Variants in PPP1R7 observed in about 807,000 individuals in gnomAD.
PPP1R7 encodes the protein protein phosphatase 1 regulatory subunit 22.
Under a neutral mutation model 45.2 loss-of-function variants are expected in PPP1R7, and 18 were observed. The ratio of observed to expected loss-of-function variants is 0.40; its 90% CI spans 0.28 to 0.59. The LOEUF is 0.59. Among genes scored for constraint, PPP1R7 ranks in the 20% least tolerant of loss-of-function variants. The probability of loss-of-function intolerance (pLI) is 0.46; values close to 1 mark genes in which losing one functional copy is unlikely to be tolerated. For synonymous variants in PPP1R7, 181 were observed against 183.4 expected (o/e 0.99, Z 0.11); for missense variants, 314 against 455.8 (o/e 0.69, Z 2.83).
rs746362254 is a variant in PPP1R7 at position 241,153,589 on chromosome 2, G to T, written c.166G>T (p.Glu56Ter). 3 of 1,614,072 alleles carry T rather than the reference G, an allele frequency of 1.9e-6. No individual in the cohort carries two copies. Among genetic ancestry groups the T allele is most frequent in the Non-Finnish European group, 2.5e-6 (3 of 1,180,034 alleles). ...QSLKDGEERGEEDPEEEHELP... is the reference protein window; with the variant it reads ...QSLKDGEERG ...CCTGAAGGATGGGGAGGAGCGGGGG[G>T]AGGAGGACCCAGAAGGTACCAGGCC... The change falls in exon 2 of 10, where the codon GAG becomes TAG. Residue 56 changes from glutamate to a stop codon, truncating the protein, a stop_gained. Coordinates refer to ENST00000234038, the MANE Select transcript of PPP1R7 (RefSeq NM_002712.3). LOFTEE classifies it high-confidence loss of function.
rs1307670105 is a variant in PPP1R7 at position 241,183,353 on chromosome 2, C to T, written c.*530C>T. The T allele has an allele frequency of 2.2e-6, 1 of 463,870 alleles. No individual in the cohort carries two copies. The highest frequency in any genetic ancestry group is 7.0e-5 in the East Asian group (1 of 14,338). 28.7% of individuals were successfully genotyped at this position (463,870 alleles called of 1,614,324 possible). Reference sequence around the variant, plus strand: ...TAAAAAAGCTGGGTAAAAGCTGACTCAGCCCTGTGTGCTTGTGTTCCTTAG... The same window carrying T: ...TAAAAAAGCTGGGTAAAAGCTGACTTAGCCCTGTGTGCTTGTGTTCCTTAG... On this transcript the variant is annotated 3_prime_UTR_variant, in exon 10 of 10. Transcript: ENST00000234038.
intron 1 of PPP1R7, among the ~76,000 whole-genome samples, chr2:241,152,971 T>C (rs928581482): frequency 2.6e-5 from 4 of 152,250 alleles, no homozygotes; most frequent in Non-Finnish European, 5.9e-5. Context: ...TTTTCCTTAG[T>C]GATCCTCCCT....
chr2:241,166,543 G>T, intron 8 of PPP1R7, 102 bp downstream of exon 8: 1 of 946,492 alleles, frequency 1.1e-6, no homozygotes, highest in South Asian at 1.4e-5. Context: ...CCGGTGTCAG[G>T]AAGATGCCCT....
Position 241,160,208 on chromosome 2 carries a change from C to T in PPP1R7, c.435-124C>T, listed in dbSNP as rs1288746994. 5 of 674,582 alleles carry T rather than the reference C, an allele frequency of 7.4e-6. No individual in the cohort carries two copies. In the Admixed American group the frequency reaches 1.7e-4, roughly 23 times the overall value. The allele number at this position is 674,582 out of a possible 1,614,324, so 41.8% of individuals were successfully genotyped here. On this transcript the variant is annotated intron_variant, in intron 5 of 9. Coordinates refer to ENST00000234038, the MANE Select transcript of PPP1R7 (RefSeq NM_002712.3). ...CAGGGGCACAGTCAGAACCCCCCAC[C>T]CTCTCCCACCCGGTAGTGACTGCCG... is the stretch of plus-strand genomic sequence containing the variant.
At chr2:241,166,729 G>T (rs1175688156) in intron 8 of PPP1R7, among the ~76,000 whole-genome samples, 1 of 152,148 alleles carries the variant, frequency 6.6e-6, no homozygotes, top group Non-Finnish European at 1.5e-5. Flanking sequence ...TCCTCAATGG[G>T]GCAGCATCCA....
In PPP1R7 at chr2:241,182,950, A is replaced by G. The variant is rs1484807921; in HGVS notation, c.*127A>G. 3.5e-6 allele frequency: 4 copies of G among 1,130,150 alleles called. No homozygotes were observed. Among genetic ancestry groups the G allele is most frequent in the Middle Eastern group, 2.5e-4 (1 of 3,952 alleles). 70.0% of individuals were successfully genotyped at this position (1,130,150 alleles called of 1,614,324 possible). On this transcript the variant is annotated 3_prime_UTR_variant, in exon 10 of 10. Coordinates refer to ENST00000234038, the MANE Select transcript of PPP1R7 (RefSeq NM_002712.3). Reference sequence around the variant, plus strand: ...TCACAAACCCAATGGCAATAAAGGCACTGACGATAGCTGGCGCGCGCGACG... The same window carrying G: ...TCACAAACCCAATGGCAATAAAGGCGCTGACGATAGCTGGCGCGCGCGACG...
chr2:241,168,384 T>A (rs1008292600), intron 8 of PPP1R7, among the ~76,000 whole-genome samples: 1 of 152,166 alleles, frequency 6.6e-6, no homozygotes, highest in African/African-American at 2.4e-5. Flanking sequence ...TGCCAGTTTC[T>A]GGGCTTGCAT....
At chr2:241,158,863 C>G in intron 4 of PPP1R7, 1 of 430,042 alleles carries the variant, frequency 2.3e-6, no homozygotes, top group East Asian at 3.8e-5. Context: ...CCGTGCCTCT[C>G]ATTGGAATTT....
upstream of PPP1R7, chr2:241,149,989 A>T: frequency 7.1e-7 from 1 of 1,412,484 alleles, no homozygotes; most frequent in African/African-American, 1.5e-5. Context: ...CGCCGGGAGA[A>T]TGTTGTTGCT....
chr2:241,157,922 C>T, intron 3 of PPP1R7, 60 bp downstream of exon 3: 2 of 1,526,890 alleles, frequency 1.3e-6, no homozygotes, highest in South Asian at 1.1e-5. Flanking sequence ...GTCAGGTTAT[C>T]TTGTATGAGA....
At chr2:241,149,798 G>T (rs2067198998), upstream of PPP1R7, 18 of 1,533,960 alleles carry the variant, frequency 1.2e-5, no homozygotes, top group South Asian at 2.0e-4. Context: ...GGCTCCGCAG[G>T]GTAGACGAAG....
intron 1 of PPP1R7, among the ~76,000 whole-genome samples, chr2:241,150,750 G>A (rs1222308729): frequency 6.6e-6 from 1 of 152,184 alleles, no homozygotes; most frequent in Non-Finnish European, 1.5e-5. Context: ...GGCAGCGGCC[G>A]GGAAGGACCC....
intron 9 of PPP1R7, among the ~76,000 whole-genome samples, chr2:241,179,124 C>T (rs2067958056): frequency 6.6e-6 from 1 of 152,126 alleles, no homozygotes. Context: ...CCAAAAGAGT[C>T]TGCCAGGAAA....
At chr2:241,165,047 C>CA (rs923074826) in intron 7 of PPP1R7, among the ~76,000 whole-genome samples, 27 of 149,956 alleles carry the variant, frequency 1.8e-4, no homozygotes, top group Non-Finnish European at 1.3e-4. Flanking sequence ...GAGTCCATCT[C>CA]AAAAAAAAGA....
rs1438007568 is a variant in PPP1R7, at chr2:241,167,522, G to A, written c.819+1081G>A. Among the ~76,000 whole-genome samples the A allele has an allele frequency of 3.9e-5, 6 of 152,358 alleles. No individual in the cohort carries two copies. The East Asian group carries it at 1.2e-3, about 29-fold the overall frequency. On this transcript the variant is annotated intron_variant, in intron 8 of 9. Transcript: ENST00000234038. The stretch of plus-strand genomic sequence containing the variant: ...GGCTGGGGTTGGGGCCGGGTGGGGT[G>A]CGCAGCAGGGAGCCCTGGTGCCCTC...
intron 9 of PPP1R7, 29 bp downstream of exon 9, chr2:241,169,896 A>G (rs1321650120): frequency 1.3e-6 from 2 of 1,513,880 alleles, no homozygotes; most frequent in Non-Finnish European, 9.2e-7. Context: ...GGGGTTGATG[A>G]CACTTTGACT....
intron 9 of PPP1R7, 36 bp downstream of exon 9, chr2:241,169,903 G>T: frequency 1.4e-6 from 2 of 1,471,476 alleles, no homozygotes; most frequent in South Asian, 2.3e-5. Flanking sequence ...ATGACACTTT[G>T]ACTAAACTGG....
rs1574742898 is a variant in PPP1R7 at position 241,183,136 on chromosome 2, A to G, written c.*313A>G. The G allele has an allele frequency of 2.4e-6, 1 of 410,640 alleles. No individual in the cohort carries two copies. The highest frequency in any genetic ancestry group is 2.1e-5 in the South Asian group (1 of 46,620). The allele number at this position is 410,640 out of a possible 1,614,324, so 25.4% of individuals were successfully genotyped here. On this transcript the variant is annotated 3_prime_UTR_variant, in exon 10 of 10. Transcript: ENST00000234038. ...CTCTCAGAAGGCAGTCACAGTCCCT[A>G]CCTGAGTCGTGTGAAACACAGGGCC...
upstream of PPP1R7, chr2:241,149,766 G>GCGGCT: frequency 1.3e-6 from 2 of 1,538,720 alleles, no homozygotes; most frequent in South Asian, 2.4e-5. Flanking sequence ...AGGACGCGGG[G>GCGGCT]CGGCTCGTTC....
Sources: allele counts gnomAD v4.1 joint callset (sites outside exome capture counted in the v4.1 genomes callset), GRCh38; gene constraint gnomAD v4.1.1; transcripts MANE v1.5; gene names NCBI Gene and HGNC (gene_info 2026-07-23, HGNC 2026-07-21).